The following MFN2 variants were observed in gnomAD, a reference collection of about 807,000 sequenced individuals.
MFN2 encodes mitofusin-2.
Under a neutral mutation model 87.5 loss-of-function variants are expected in MFN2, and 43 were observed. The ratio of observed to expected loss-of-function variants is 0.49; its 90% CI spans 0.38 to 0.63. The LOEUF (loss-of-function observed/expected upper bound fraction) is 0.63. Among genes scored for constraint, MFN2 ranks in the 30% least tolerant of loss-of-function variants. The pLI, the probability that MFN2 is intolerant of heterozygous loss-of-function variation, is 0.00. For missense variants in MFN2, 743 were observed against 972.8 expected, an observed-to-expected ratio of 0.76 and a Z score of 3.14; for synonymous variants, 337 against 359.9, an observed-to-expected ratio of 0.94 and a Z score of 0.72.
In MFN2 at chr1:11,998,976, C is replaced by A. The variant is rs760590652; in HGVS notation, c.709-12C>A. ...AAGCTCCTGCTCCACCGAGGTCTTA[C>A]CCTTTATCTAGGAAAAGCACTTCTT... On this transcript the variant is annotated splice_polypyrimidine_tract_variant and intron_variant, in intron 7 of 18. Coordinates refer to ENST00000235329, the MANE Select transcript of MFN2 (RefSeq NM_014874.4). 6.2e-7 allele frequency: 1 copy of A among 1,614,024 alleles called. No individual in the cohort carries two copies. Among genetic ancestry groups the A allele is most frequent in the Non-Finnish European group, 8.5e-7 (1 of 1,179,878 alleles).
intron 2 of MFN2, chr1:11,982,582 T>G (rs1228396981): frequency 6.6e-6 from 1 of 152,198 alleles, no homozygotes; most frequent in African/African-American, 2.4e-5. Context: ...TTGCTGTACA[T>G]AACACTGGGT....
chr1:11,995,357 G>A (rs146492037), intron 4 of MFN2, among the ~76,000 whole-genome samples: 2,271 of 152,310 alleles, frequency 0.015, 58 homozygotes, highest in African/African-American at 0.051. Context: ...AGTAGGCTGG[G>A]CATGGTGGCT....
chr1:11,993,036 A>G (rs1046283282), intron 4 of MFN2, among the ~76,000 whole-genome samples: 5 of 151,526 alleles, frequency 3.3e-5, no homozygotes, highest in African/African-American at 1.2e-4. Context: ...TAACCATTTT[A>G]AGCATACAAT....
At chr1:11,994,011 A>G (rs1397513883) in intron 4 of MFN2, among the ~76,000 whole-genome samples, 2 of 152,208 alleles carry the variant, frequency 1.3e-5, no homozygotes, top group Non-Finnish European at 1.5e-5. Context: ...ACACTTCCAC[A>G]GCTGTAGTCA....
rs1453267972 is a variant in MFN2, at chr1:11,999,081, G to A, written c.802G>A (p.Glu268Lys). 2.5e-6 allele frequency: 4 copies of A among 1,614,160 alleles called. No individual in the cohort carries two copies. The highest frequency in any genetic ancestry group is 2.5e-6 in the Non-Finnish European group (3 of 1,180,002). The change falls in exon 8 of 19, where the codon GAG becomes AAG. Residue 268 changes from glutamate to lysine, a missense_variant. This residue lies in a region of MFN2 where 571 missense variants were observed against 670.7 expected (regional missense o/e 0.85). Coordinates refer to ENST00000235329, the MANE Select transcript of MFN2 (RefSeq NM_014874.4). ...CTGGGATGCATCTGCCTCAGAGCCC[G>A]AGTACATGGAGGAGGTTCGTGCTTC... ...NRWDASASEP[E>K]YMEEVRRQHM...
At position 11,981,950 on chromosome 1, in the gene MFN2, C is replaced by A. The variant is rs1053095330; in HGVS notation, c.-149-20C>A. The A allele has an allele frequency of 6.8e-5, 9 of 131,832 alleles. No homozygotes were observed. In the Admixed American group the frequency reaches 6.8e-4, roughly 10 times the overall value. The allele number at this position is 131,832 out of a possible 1,614,324, so 8.2% of individuals were successfully genotyped here. Reference sequence around the variant, plus strand: ...TTTTTTTTGGACACCGGATCCATCTCCCTTTTCTTTTCTAATAAGTCAGGA... The same window carrying A: ...TTTTTTTTGGACACCGGATCCATCTACCTTTTCTTTTCTAATAAGTCAGGA... On this transcript the variant is annotated intron_variant, in intron 1 of 18. Coordinates refer to ENST00000235329, the MANE Select transcript of MFN2 (RefSeq NM_014874.4).
intron 14 of MFN2, among the ~76,000 whole-genome samples, chr1:12,005,480 C>T (rs533499701): frequency 1.3e-5 from 2 of 152,224 alleles, no homozygotes; most frequent in Non-Finnish European, 2.9e-5. Flanking sequence ...TTTAAGTCCA[C>T]GTGAGGCATA....
At chr1:12,009,549 T>A in intron 17 of MFN2, 43 bp from the exon 18 acceptor site, 1 of 1,613,996 alleles carries the variant, frequency 6.2e-7, no homozygotes, top group Non-Finnish European at 8.5e-7. Flanking sequence ...AGTGGCATCT[T>A]GCTCCACACA....
At chr1:11,993,007 A>C (rs1210476295) in intron 4 of MFN2, among the ~76,000 whole-genome samples, 1 of 150,850 alleles carries the variant, frequency 6.6e-6, no homozygotes, top group Non-Finnish European at 1.5e-5. Context: ...AAAGGCATAT[A>C]ATATAAAATT....
chr1:11,989,898 A>G (rs1638600092), intron 3 of MFN2, among the ~76,000 whole-genome samples: 1 of 152,198 alleles, frequency 6.6e-6, no homozygotes, highest in South Asian at 2.1e-4. Context: ...ATCAGCAGAG[A>G]AGGACTGGTT....
At chr1:11,991,410 G>T (rs1246896465) in intron 3 of MFN2, among the ~76,000 whole-genome samples, 2 of 152,192 alleles carry the variant, frequency 1.3e-5, no homozygotes, top group African/African-American at 2.4e-5. Flanking sequence ...CTTCCTGGGG[G>T]CAGTGCTGTC....
intron 8 of MFN2, 123 bp from the exon 9 acceptor site, chr1:12,001,278 G>T: frequency 7.3e-7 from 1 of 1,365,808 alleles, no homozygotes; most frequent in Non-Finnish European, 1.0e-6. Flanking sequence ...TTCCCAAAGT[G>T]CTGGGATTAC....
chr1:12,007,181 G>A lies in MFN2; in HGVS notation c.2001G>A (p.Glu667=), dbSNP rs2100858555. 2 of 1,614,200 alleles carry A rather than the reference G, an allele frequency of 1.2e-6. No individual in the cohort carries two copies. Among genetic ancestry groups the A allele is most frequent in the Middle Eastern group, 3.3e-4 (2 of 6,062 alleles). The change falls in exon 17 of 19, where the codon GAG becomes GAA. Residue 667 remains glutamate (E), a synonymous_variant. Transcript: ENST00000235329. ...KERAFKRQFV[E]HASEKLQLVI... ...GGGCCTTCAAGCGCCAGTTTGTGGA[G>A]CATGCCAGCGAGAAGCTGCAGCTTG...
At position 12,013,341 on chromosome 1, in the gene MFN2, C is replaced by T. The variant is rs1446233747; in HGVS notation, c.*1776C>T. ...TTTCTGAAAGAAGTATGGCCAAAAG[C>T]ACTTTAATGCTGCTGACATTGTTGT... is the stretch of plus-strand genomic sequence containing the variant. On this transcript the variant is annotated 3_prime_UTR_variant, in exon 19 of 19. Coordinates refer to ENST00000235329, the MANE Select transcript of MFN2 (RefSeq NM_014874.4). The T allele has an allele frequency of 2.1e-6, 1 of 471,060 alleles. No homozygotes were observed. The highest frequency in any genetic ancestry group is 2.4e-5 in the Admixed American group (1 of 42,494). The allele number at this position is 471,060 out of a possible 1,614,324, so 29.2% of individuals were successfully genotyped here. A position where few individuals can be genotyped will look rare whatever the true frequency, so the allele number is the denominator to read the frequency against.
At chr1:12,008,414 C>T (rs1227967352) in intron 17 of MFN2, among the ~76,000 whole-genome samples, 10 of 85,878 alleles carry the variant, frequency 1.2e-4, no homozygotes, top group East Asian at 4.0e-4. Flanking sequence ...GCTGGCCGGG[C>T]GGGGGCTGAC....
In MFN2 at chr1:12,006,615, G is replaced by T. The variant is rs1188482908; in HGVS notation, c.1794G>T (p.Glu598Asp). 2 of 1,614,214 alleles carry T rather than the reference G, an allele frequency of 1.2e-6. No homozygotes were observed. Among genetic ancestry groups the T allele is most frequent in the South Asian group, 2.2e-5 (2 of 91,082 alleles). The stretch of plus-strand genomic sequence containing the variant: ...CACAGGGCTCGCTCACCCAGGAGGA[G>T]TTCATGGTTTCCATGGTTACCGGCC... The part of the protein sequence containing the change: ...PLPQGSLTQE[E>D]FMVSMVTGLA... The change falls in exon 16 of 19, where the codon GAG becomes GAT. Residue 598 changes from glutamate to aspartate, a missense_variant. Coordinates refer to ENST00000235329, the MANE Select transcript of MFN2 (RefSeq NM_014874.4).
intron 2 of MFN2, among the ~76,000 whole-genome samples, chr1:11,985,481 T>A (rs1245131319): frequency 8.7e-5 from 12 of 137,234 alleles, no homozygotes; most frequent in South Asian, 2.4e-4. Context: ...TTTTTTTTTT[T>A]TAAAGAGAGA....
At chr1:11,981,920 G>GTTTTGTTTTTT (rs763918741) in intron 1 of MFN2, 50 bp from the exon 2 acceptor site, 3 of 138,006 alleles carry the variant, frequency 2.2e-5, no homozygotes, top group African/African-American at 8.4e-5. Context: ...GTACACCAGT[G>GTTTTGTTTTTT]TTTTTTTTTT....
rs1639259465 is a variant in MFN2, at chr1:12,003,345, C to G, written c.1161-647C>G. On this transcript the variant is annotated intron_variant, in intron 11 of 18. Transcript: ENST00000235329. This position sits in a 1 kb window ranked among gnomAD's most constrained non-coding sequence, Gnocchi z 4.1. ...TTCAGACCTGGTCATTTTTGCCAGG[C>G]CTTGGTAGAAAATAGTGCCTTTAAA... Among the ~76,000 whole-genome samples the G allele has an allele frequency of 6.6e-6, 1 of 152,138 alleles. No individual in the cohort carries two copies. Among genetic ancestry groups the G allele is most frequent in the Non-Finnish European group, 1.5e-5 (1 of 68,026 alleles).
Sources: gnomAD v4.1 joint callset for allele counts (sites outside exome capture counted in the v4.1 genomes callset) on GRCh38, gnomAD v4.1.1 for gene constraint, gnomAD v4.1.1 regional missense constraint, Gnocchi (gnomAD v3.1) non-coding constraint, MANE v1.5 for transcripts, NCBI Gene and HGNC (gene_info 2026-07-23, HGNC 2026-07-21) for gene names.